The following FHIT variants were observed in gnomAD, a reference collection of about 807,000 sequenced individuals.
The protein encoded by FHIT is fragile histidine triad diadenosine triphosphatase, also known as bis(5'-adenosyl)-triphosphatase.
FHIT carries 19 observed loss-of-function variants against 17.9 expected under a neutral mutation model. That is an observed-to-expected ratio of 1.06 (90% CI 0.74 to 1.56). The LOEUF is 1.56. FHIT is among the 40% of genes most tolerant of loss of function. The pLI is 0.00. For synonymous variants in FHIT, 81 were observed against 69.7 expected, an observed-to-expected ratio of 1.16 and a Z score of -0.81; for missense variants, 248 against 189.2, an observed-to-expected ratio of 1.31 and a Z score of -1.82.
chr3:60,554,864 C>T (rs536944008), intron 4 of FHIT, among the ~76,000 whole-genome samples: 1 of 152,154 alleles, frequency 6.6e-6, no homozygotes, highest in South Asian at 2.1e-4. Context: ...CATGGCAAAG[C>T]AATGCTGCTC....
chr3:60,080,964 C>G (rs1371908056), intron 5 of FHIT: 1 of 152,086 alleles, frequency 6.6e-6, no homozygotes, highest in East Asian at 1.9e-4. Context: ...TCATTGGCAA[C>G]CATGTACCTC....
In FHIT at chr3:59,803,938, C is replaced by T. The variant is rs1297902509; in HGVS notation, c.349-51617G>A. ...TTGGTGCAAAAGTAATAGCGATTTTCGCCATTACTTTCAATGGCAAAAACT... is the reference window on the plus strand; with the variant it reads ...TTGGTGCAAAAGTAATAGCGATTTTTGCCATTACTTTCAATGGCAAAAACT... On this transcript the variant is annotated intron_variant, in intron 8 of 9. Coordinates refer to ENST00000492590, the MANE Select transcript of FHIT (RefSeq NM_002012.4). Among the ~76,000 whole-genome samples, 13 of 152,156 alleles carry T rather than the reference C, an allele frequency of 8.5e-5. No homozygotes were observed. In the East Asian group the frequency reaches 9.6e-4, roughly 11 times the overall value.
intron 3 of FHIT, among the ~76,000 whole-genome samples, chr3:60,946,378 C>A (rs1483362520): frequency 6.6e-6 from 1 of 152,144 alleles, no homozygotes; most frequent in Admixed American, 6.5e-5. Flanking sequence ...TACTGAATGA[C>A]ATTTAGCATC....
chr3:60,711,364 G>C (rs554967083), intron 4 of FHIT, among the ~76,000 whole-genome samples: 1 of 152,346 alleles, frequency 6.6e-6, no homozygotes, highest in Non-Finnish European at 1.5e-5. Flanking sequence ...AAAAAGCAGA[G>C]CGCCTCTCCT....
chr3:60,929,243 A>G (rs1427045099), intron 3 of FHIT, among the ~76,000 whole-genome samples: 1 of 152,220 alleles, frequency 6.6e-6, no homozygotes, highest in Admixed American at 6.5e-5. Context: ...TGACAAACCC[A>G]CAGCCAATAT....
chr3:60,401,165 C>T (rs1245710485), intron 5 of FHIT, among the ~76,000 whole-genome samples: 1 of 152,124 alleles, frequency 6.6e-6, no homozygotes, highest in Non-Finnish European at 1.5e-5. Flanking sequence ...TTTTGCTTTG[C>T]TTGTAGTGAT....
chr3:59,813,333 C>G (rs1204291626), intron 8 of FHIT, among the ~76,000 whole-genome samples: 1 of 152,204 alleles, frequency 6.6e-6, no homozygotes, highest in Non-Finnish European at 1.5e-5. Context: ...TGCATATTTA[C>G]ACCTTGGAAA....
chr3:61,219,016 A>C (rs1254548039), intron 1 of FHIT, among the ~76,000 whole-genome samples: 8 of 152,160 alleles, frequency 5.3e-5, no homozygotes, highest in Admixed American at 1.3e-4. Flanking sequence ...CAAACCTAGA[A>C]AGTGTAGCCC....
rs772304547 is a variant in FHIT, at chr3:61,025,766, G to A, written c.-111+16281C>T. ...TATCTGGTGACTATCTTATGTGAGG[G>A]AAAAACTGGAATAATAGGAAAAGGT... On this transcript the variant is annotated intron_variant, in intron 3 of 9. Coordinates refer to ENST00000492590, the MANE Select transcript of FHIT (RefSeq NM_002012.4). Among the ~76,000 whole-genome samples, 223 of 152,154 alleles carry A rather than the reference G, an allele frequency of 1.5e-3. 1 individual carries two copies. Among genetic ancestry groups the A allele is most frequent in the Middle Eastern group, 6.8e-3 (2 of 294 alleles).
At chr3:60,245,708 C>G (rs1031821003) in intron 5 of FHIT, among the ~76,000 whole-genome samples, 2 of 152,014 alleles carry the variant, frequency 1.3e-5, no homozygotes, top group Non-Finnish European at 2.9e-5. Flanking sequence ...TGGAATTACA[C>G]AAGTGGGCAA....
At chr3:60,331,956 T>C (rs1395375601) in intron 5 of FHIT, among the ~76,000 whole-genome samples, 2 of 152,092 alleles carry the variant, frequency 1.3e-5, no homozygotes, top group African/African-American at 2.4e-5. Context: ...AAGGTACAAT[T>C]GTCCTGAATG....
rs140938994 is a variant in FHIT at position 61,146,984 on chromosome 3, C to T, written c.-164+53633G>A. On this transcript the variant is annotated intron_variant, in intron 2 of 9. Coordinates refer to ENST00000492590, the MANE Select transcript of FHIT (RefSeq NM_002012.4). ...TATCTTTATGTACATTCCTCTGTAG[C>T]ACCTTTTGTTTCCACCCAGTGGAAA... 4.6e-5 allele frequency among the ~76,000 whole-genome samples: 7 copies of T among 152,090 alleles called. No homozygotes were observed. In the East Asian group the frequency reaches 1.2e-3, roughly 25 times the overall value.
intron 5 of FHIT, among the ~76,000 whole-genome samples, chr3:60,479,730 T>A (rs751381143): frequency 2.0e-5 from 3 of 152,178 alleles, no homozygotes; most frequent in Non-Finnish European, 4.4e-5. Context: ...TAGATTCTGA[T>A]AGAAGCATGA....
chr3:61,003,800 C>T (rs1285843234), intron 3 of FHIT, among the ~76,000 whole-genome samples: 3 of 152,256 alleles, frequency 2.0e-5, no homozygotes, highest in Admixed American at 2.0e-4. Context: ...GCCTTCCAGG[C>T]ATCTGCCTAG....
intron 5 of FHIT, among the ~76,000 whole-genome samples, chr3:60,420,588 G>GA (rs954752898): frequency 2.6e-5 from 4 of 152,036 alleles, no homozygotes; most frequent in Middle Eastern, 3.4e-3. Context: ...CATCCCAGGG[G>GA]AAAAAAATCT....
intron 5 of FHIT, among the ~76,000 whole-genome samples, chr3:60,365,536 CT>C (rs928156083): frequency 4.6e-5 from 7 of 152,150 alleles, no homozygotes; most frequent in Non-Finnish European, 8.8e-5. Flanking sequence ...ACTTTCTTTT[CT>C]GTTAAGTCAT....
intron 4 of FHIT, among the ~76,000 whole-genome samples, chr3:60,616,504 G>T (rs1249548892): frequency 2.0e-5 from 3 of 152,134 alleles, no homozygotes; most frequent in Middle Eastern, 3.2e-3. Flanking sequence ...TGGGACAAAA[G>T]TTAATATACA....
At chr3:59,805,499 T>C (rs918104717) in intron 8 of FHIT, among the ~76,000 whole-genome samples, 1 of 152,174 alleles carries the variant, frequency 6.6e-6, no homozygotes, top group Non-Finnish European at 1.5e-5. Flanking sequence ...GGAATGTTCT[T>C]ATCTCTGAAG....
chr3:60,667,153 G>A (rs1199286648), intron 4 of FHIT, among the ~76,000 whole-genome samples: 2 of 147,454 alleles, frequency 1.4e-5, no homozygotes. Flanking sequence ...TTACAGGCAT[G>A]AGCCACCATG....
Sources: gnomAD v4.1 joint callset for allele counts (sites outside exome capture counted in the v4.1 genomes callset) on GRCh38, gnomAD v4.1.1 for gene constraint, MANE v1.5 for transcripts, NCBI Gene and HGNC (gene_info 2026-07-23, HGNC 2026-07-21) for gene names.